The following MAS1 variants were observed in gnomAD, a reference collection of about 807,000 sequenced individuals.
The protein encoded by MAS1 is proto-oncogene Mas.
For synonymous variants in MAS1, 163 were observed against 164.2 expected (o/e 0.99, Z 0.05); for missense variants, 387 against 409.7 (o/e 0.94, Z 0.48).
chr6:159,890,551 C>A (rs1782684949), upstream of MAS1, among the ~76,000 whole-genome samples: 1 of 152,202 alleles, frequency 6.6e-6, no homozygotes. Flanking sequence ...CCTTAACTAT[C>A]TAGCCATGTG....
rs1782897145 is a variant in MAS1 at position 159,907,064 on chromosome 6, TG to T, written c.112del (p.Val38SerfsTer3). On this transcript the variant is annotated frameshift_variant, in exon 3 of 3. Transcript: ENST00000674077. LOFTEE classifies it low-confidence loss of function (END_TRUNC). ...ACATCGGCAAATCCCCATCGTGCACTGGGTCATTATGAGCATCTCCCCAGTG... is the reference window on the plus strand; with the variant it reads ...ACATCGGCAAATCCCCATCGTGCACTGGTCATTATGAGCATCTCCCCAGTG... The part of the protein sequence containing the change: ...NAHRQIPIVH[W>X]VIMSISPVGF... The T allele has an allele frequency of 1.2e-6, 2 of 1,614,066 alleles. No individual in the cohort carries two copies. The highest frequency in any genetic ancestry group is 1.7e-6 in the Non-Finnish European group (2 of 1,180,010).
intron 1 of MAS1, among the ~76,000 whole-genome samples, chr6:159,896,095 G>A (rs1018108068): frequency 3.3e-5 from 5 of 152,222 alleles, no homozygotes; most frequent in Non-Finnish European, 7.3e-5. Context: ...AATCAGTTGA[G>A]TCCAAGAGTT....
At chr6:159,893,825 G>C (rs1160882423) in intron 1 of MAS1, among the ~76,000 whole-genome samples, 1 of 152,076 alleles carries the variant, frequency 6.6e-6, no homozygotes, top group Non-Finnish European at 1.5e-5. Flanking sequence ...CCAGATCTTG[G>C]CTTCTAAATA....
Position 159,903,432 on chromosome 6 carries a change from G to T in MAS1, c.-36-3488G>T, listed in dbSNP as rs75500167. Among the ~76,000 whole-genome samples, 142 of 152,274 alleles carry T rather than the reference G, an allele frequency of 9.3e-4. 2 individuals carry two copies. In the East Asian group the frequency reaches 0.025, roughly 27 times the overall value. On this transcript the variant is annotated intron_variant, in intron 2 of 2. Coordinates refer to ENST00000674077, the MANE Select transcript of MAS1 (RefSeq NM_002377.4). ...TGAGTAGTCTCTCCCAGGTTCCCGAGCACTAAGCTGGGCGGGCTGTAGGTT... is the reference window on the plus strand; with the variant it reads ...TGAGTAGTCTCTCCCAGGTTCCCGATCACTAAGCTGGGCGGGCTGTAGGTT...
chr6:159,895,347 T>C (rs1041542892), intron 1 of MAS1, among the ~76,000 whole-genome samples: 14 of 152,230 alleles, frequency 9.2e-5, no homozygotes, highest in African/African-American at 3.1e-4. Flanking sequence ...ATCTGCATGA[T>C]TTTTTCAAGC....
In MAS1 at chr6:159,911,285, C is replaced by A; in HGVS notation, c.*3352C>A. ...CAATGTCCTGCAGGTGCTTGTAACC[C>A]ATTCATTTCCCCACCGTTTCTTTTT... On this transcript the variant is annotated 3_prime_UTR_variant, in exon 3 of 3. Transcript: ENST00000674077. 6.5e-6 allele frequency: 1 copy of A among 153,070 alleles called. No individual in the cohort carries two copies. Among genetic ancestry groups the A allele is most frequent in the Non-Finnish European group, 1.4e-5 (1 of 69,060 alleles). The allele number at this position is 153,070 out of a possible 1,614,324, so 9.5% of individuals were successfully genotyped here. A position where few individuals can be genotyped will look rare whatever the true frequency, so the allele number is the denominator to read the frequency against.
At position 159,912,719 on chromosome 6, in the gene MAS1, T is replaced by C. The variant is rs374249342; in HGVS notation, c.*4786T>C. The stretch of plus-strand genomic sequence containing the variant: ...CTCTCTCACTGCCTCATCTACAGTT[T>C]TGTGGATCAGTCTTGTGATGCCTGA... On this transcript the variant is annotated 3_prime_UTR_variant, in exon 3 of 3. Transcript: ENST00000674077. 8 of 152,228 alleles carry C rather than the reference T, an allele frequency of 5.3e-5. No homozygotes were observed. The highest frequency in any genetic ancestry group is 1.9e-4 in the African/African-American group (8 of 41,458). 9.4% of individuals were successfully genotyped at this position (152,228 alleles called of 1,614,324 possible). A position where few individuals can be genotyped will look rare whatever the true frequency, so the allele number is the denominator to read the frequency against.
chr6:159,901,641 A>G (rs1782823422), intron 2 of MAS1, among the ~76,000 whole-genome samples: 1 of 152,090 alleles, frequency 6.6e-6, no homozygotes, highest in Admixed American at 6.6e-5. Context: ...GCTCTGTTAC[A>G]AGGAGAAATG....
intron 1 of MAS1, among the ~76,000 whole-genome samples, chr6:159,892,191 G>A (rs757582279): frequency 1.6e-4 from 24 of 152,152 alleles, no homozygotes; most frequent in Non-Finnish European, 1.6e-4. Flanking sequence ...TTAATACCAG[G>A]ACAGATGGTC....
At position 159,909,119 on chromosome 6, in the gene MAS1, CA is replaced by C. The variant is rs751961787; in HGVS notation, c.*1187del. On this transcript the variant is annotated 3_prime_UTR_variant, in exon 3 of 3. Coordinates refer to ENST00000674077, the MANE Select transcript of MAS1 (RefSeq NM_002377.4). ...TCCTCAGAATCTTTACTCAGCACTC[CA>C]GGGGGGGCTCTGCCTCTTGCCTGCC... is the stretch of plus-strand genomic sequence containing the variant. The C allele has an allele frequency of 6.6e-6, 1 of 152,134 alleles. No homozygotes were observed. The highest frequency in any genetic ancestry group is 1.5e-5 in the Non-Finnish European group (1 of 68,056). The allele number at this position is 152,134 out of a possible 1,614,324, so 9.4% of individuals were successfully genotyped here. A position where few individuals can be genotyped will look rare whatever the true frequency, so the allele number is the denominator to read the frequency against.
In MAS1 at chr6:159,907,836, C is replaced by T. The variant is rs139579440; in HGVS notation, c.881C>T (p.Ser294Phe). 2.4e-4 allele frequency: 384 copies of T among 1,612,002 alleles called. No individual in the cohort carries two copies. Among genetic ancestry groups the T allele is most frequent in the Non-Finnish European group, 3.1e-4 (367 of 1,179,742 alleles). ...GSSKKKRFKE[S>F]LKVVLTRAFK... ...AGTAAGAAGAAGAGATTCAAGGAGT[C>T]CTTAAAAGTTGTTCTGACCAGGGCT... The change falls in exon 3 of 3, where the codon TCC (serine) becomes TTC (phenylalanine). Residue 294 changes from serine (S) to phenylalanine (F), a missense_variant. Coordinates refer to ENST00000674077, the MANE Select transcript of MAS1 (RefSeq NM_002377.4).
chr6:159,916,569 CA>C lies in MAS1; in HGVS notation c.*8637del, dbSNP rs1783027010. On this transcript the variant is annotated 3_prime_UTR_variant, in exon 3 of 3. Coordinates refer to ENST00000674077, the MANE Select transcript of MAS1 (RefSeq NM_002377.4). ...TCGGTGTGTTTCTCAGGATGCTGGG[CA>C]GCCCATGGCCCCGAGACAGGTGCCA... 4 of 152,198 alleles carry C rather than the reference CA, an allele frequency of 2.6e-5. No homozygotes were observed. In the South Asian group the frequency reaches 8.3e-4, roughly 32 times the overall value. 9.4% of individuals were successfully genotyped at this position (152,198 alleles called of 1,614,324 possible).
Position 159,908,028 on chromosome 6 carries a change from C to A in MAS1, c.*95C>A. ...ACTTAAGTATCTCCTAAATGTGATA[C>A]AGAAGAACATCTCATCCCATATGCA... On this transcript the variant is annotated 3_prime_UTR_variant, in exon 3 of 3. Coordinates refer to ENST00000674077, the MANE Select transcript of MAS1 (RefSeq NM_002377.4). The A allele has an allele frequency of 1.5e-6, 2 of 1,359,394 alleles. No individual in the cohort carries two copies. Among genetic ancestry groups the A allele is most frequent in the Non-Finnish European group, 2.0e-6 (2 of 1,001,800 alleles). 84.2% of individuals were successfully genotyped at this position (1,359,394 alleles called of 1,614,324 possible).
At chr6:159,897,092 T>C (rs1782762275) in intron 1 of MAS1, among the ~76,000 whole-genome samples, 2 of 152,144 alleles carry the variant, frequency 1.3e-5, no homozygotes, top group African/African-American at 2.4e-5. Flanking sequence ...GCCAGGATGG[T>C]CTCGATCTCC....
intron 1 of MAS1, among the ~76,000 whole-genome samples, chr6:159,893,815 C>A (rs957609832): frequency 2.6e-5 from 4 of 152,028 alleles, no homozygotes; most frequent in African/African-American, 9.7e-5. Flanking sequence ...CATTTTACAC[C>A]CAGATCTTGG....
At position 159,915,539 on chromosome 6, in the gene MAS1, C is replaced by T. The variant is rs1382341649; in HGVS notation, c.*7606C>T. ...TTTGCAGGCTTCATGCTGACATTAC[C>T]TGTATGGTACATTTTGGCCAACACC... On this transcript the variant is annotated 3_prime_UTR_variant, in exon 3 of 3. Transcript: ENST00000674077. The T allele has an allele frequency of 6.6e-6, 1 of 152,196 alleles. No individual in the cohort carries two copies. The highest frequency in any genetic ancestry group is 2.4e-5 in the African/African-American group (1 of 41,432). The allele number at this position is 152,196 out of a possible 1,614,324, so 9.4% of individuals were successfully genotyped here. A position where few individuals can be genotyped will look rare whatever the true frequency, so the allele number is the denominator to read the frequency against.
At chr6:159,895,092 TTAA>T (rs1249815967) in intron 1 of MAS1, among the ~76,000 whole-genome samples, 1 of 152,186 alleles carries the variant, frequency 6.6e-6, no homozygotes, top group East Asian at 1.9e-4. Context: ...ATAAAAGCCG[TTAA>T]TAAATGTTCC....
intron 1 of MAS1, among the ~76,000 whole-genome samples, chr6:159,898,489 ACTCCTCCTC>A (rs780491597): frequency 1.4e-4 from 18 of 125,004 alleles, no homozygotes; most frequent in South Asian, 2.7e-4. Context: ...TGATTTCCAG[ACTCCTCCTC>A]CTCCTCCTCC....
In MAS1 at chr6:159,907,367, A is replaced by G. The variant is rs1485877097; in HGVS notation, c.412A>G (p.Ile138Val). 8.7e-6 allele frequency: 14 copies of G among 1,613,940 alleles called. No individual in the cohort carries two copies. Among genetic ancestry groups the G allele is most frequent in the Non-Finnish European group, 1.1e-5 (13 of 1,180,010 alleles). The stretch of plus-strand genomic sequence containing the variant: ...GAGGTGCCTGTCAGTCCTTTACCCC[A>G]TCTGGTACCGATGCCATCGCCCCAA... The part of the protein sequence containing the change: ...VERCLSVLYP[I>V]WYRCHRPKYQ... Residue 138 changes from isoleucine (I) to valine (V), a missense_variant, in exon 3 of 3, where the codon ATC (isoleucine) becomes GTC (valine). Ile to Val is a conservative substitution (Grantham distance 29, BLOSUM62 3). Coordinates refer to ENST00000674077, the MANE Select transcript of MAS1 (RefSeq NM_002377.4).
Sources: allele counts gnomAD v4.1 joint callset (sites outside exome capture counted in the v4.1 genomes callset), GRCh38; gene constraint gnomAD v4.1.1; transcripts MANE v1.5; gene names NCBI Gene and HGNC (gene_info 2026-07-23, HGNC 2026-07-21).